The following UNC13C variants were observed in gnomAD, a reference collection of about 807,000 sequenced individuals.
The protein encoded by UNC13C is unc-13 homolog C.
A neutral mutation model predicts 245.4 loss-of-function variants in UNC13C; 174 were observed. The ratio of observed to expected loss-of-function variants is 0.71; its 90% CI spans 0.63 to 0.80. The LOEUF (loss-of-function observed/expected upper bound fraction) is 0.80, where lower values mean the gene tolerates loss of function less well. Among genes scored for constraint, UNC13C ranks in the 30% least tolerant of loss-of-function variants. The pLI is 0.00. For missense variants in UNC13C, 2,829 were observed against 2,602.9 expected (o/e 1.09, Z -1.89); for synonymous variants, 992 against 895.1 (o/e 1.11, Z -1.93).
Position 54,014,192 on chromosome 15 carries a change from T to C in UNC13C, c.1289T>C (p.Met430Thr). ...GIPSSQTYES[M>T]AIKLSTPEPK... ...CCATCCTCCCAGACATATGAGAGCATGGCTATAAAGTTGTCTACTCCAGAG... is the reference window on the plus strand; with the variant it reads ...CCATCCTCCCAGACATATGAGAGCACGGCTATAAAGTTGTCTACTCCAGAG... The change falls in exon 2 of 33, where the codon ATG becomes ACG. Residue 430 changes from methionine (M) to threonine (T), a missense_variant. Transcript: ENST00000260323. The C allele has an allele frequency of 8.7e-6, 14 of 1,613,910 alleles. No individual in the cohort carries two copies. Among genetic ancestry groups the C allele is most frequent in the Non-Finnish European group, 1.2e-5 (14 of 1,179,844 alleles).
chr15:54,347,250 G>T (rs1168036982), intron 17 of UNC13C, among the ~76,000 whole-genome samples: 1 of 152,074 alleles, frequency 6.6e-6, no homozygotes, highest in South Asian at 2.1e-4. Context: ...CTCAGCGAAA[G>T]AACTTTTCTG....
chr15:54,006,479 G>C (rs1360417926), intron 1 of UNC13C, among the ~76,000 whole-genome samples: 1 of 151,772 alleles, frequency 6.6e-6, no homozygotes, highest in African/African-American at 2.4e-5. Flanking sequence ...TATTGCTTTT[G>C]CCTTAAAGTA....
intron 4 of UNC13C, among the ~76,000 whole-genome samples, chr15:54,190,607 A>G (rs902729583): frequency 3.9e-5 from 6 of 152,098 alleles, no homozygotes; most frequent in South Asian, 4.1e-4. Context: ...TAGAAGATAT[A>G]TTGTATTCCA....
At chr15:53,935,045 G>A in the UNC13C span, among the ~76,000 whole-genome samples, 55 of 152,236 alleles carry the variant, frequency 3.6e-4, no homozygotes, top group South Asian at 2.1e-3. Context: ...GCAGAGATGA[G>A]AAGAGTTTTC....
chr15:54,304,939 T>G (rs971309446), intron 13 of UNC13C, among the ~76,000 whole-genome samples: 2 of 152,120 alleles, frequency 1.3e-5, no homozygotes, highest in Non-Finnish European at 2.9e-5. Context: ...TACAAAAATA[T>G]ACGTGTACTC....
chr15:53,920,594 C>T, the UNC13C span, among the ~76,000 whole-genome samples: 4 of 151,890 alleles, frequency 2.6e-5, no homozygotes, highest in African/African-American at 9.7e-5. Context: ...TTTATAATTG[C>T]TAACTTGATT....
intron 17 of UNC13C, among the ~76,000 whole-genome samples, chr15:54,352,185 A>C (rs1460567848): frequency 1.3e-5 from 2 of 151,036 alleles, no homozygotes; most frequent in Non-Finnish European, 3.0e-5. Context: ...TTTAATTGCT[A>C]TTTTCAGCCT....
At chr15:53,858,749 C>T in the UNC13C span, among the ~76,000 whole-genome samples, 211 of 152,192 alleles carry the variant, frequency 1.4e-3, 1 homozygote, top group Admixed American at 3.5e-3. Context: ...GAAACAAAAA[C>T]ATGTTTATCT....
intron 22 of UNC13C, among the ~76,000 whole-genome samples, chr15:54,506,450 G>A (rs1049709724): frequency 1.3e-5 from 2 of 151,924 alleles, no homozygotes. Context: ...TTGGTCTGCT[G>A]CTTGATAAGA....
chr15:54,450,889 G>C (rs1011999299), intron 19 of UNC13C, among the ~76,000 whole-genome samples: 19 of 152,166 alleles, frequency 1.2e-4, no homozygotes, highest in Non-Finnish European at 2.4e-4. Context: ...GACTGGAGCT[G>C]TTCCTATTTG....
the UNC13C span, among the ~76,000 whole-genome samples, chr15:53,932,522 A>G: frequency 6.6e-6 from 1 of 152,168 alleles, no homozygotes; most frequent in South Asian, 2.1e-4. Flanking sequence ...AAAATGAACA[A>G]GGGAATGCTT....
At chr15:54,255,539 A>T (rs937147649) in intron 8 of UNC13C, among the ~76,000 whole-genome samples, 27 of 151,998 alleles carry the variant, frequency 1.8e-4, no homozygotes, top group African/African-American at 6.0e-4. Context: ...TTTTCTACCA[A>T]TGTGTTCGTC....
At chr15:54,039,449 G>A (rs1393831707) in intron 2 of UNC13C, among the ~76,000 whole-genome samples, 1 of 152,148 alleles carries the variant, frequency 6.6e-6, no homozygotes, top group Non-Finnish European at 1.5e-5. Context: ...TGGCTCCACA[G>A]ATGACACTAA....
chr15:54,154,808 G>A (rs1439596655), intron 4 of UNC13C, among the ~76,000 whole-genome samples: 1 of 152,070 alleles, frequency 6.6e-6, no homozygotes, highest in Non-Finnish European at 1.5e-5. Flanking sequence ...GTTATAAAAG[G>A]GACTATATTG....
intron 30 of UNC13C, among the ~76,000 whole-genome samples, chr15:54,602,409 C>G (rs1899489281): frequency 6.6e-6 from 1 of 152,108 alleles, no homozygotes; most frequent in Non-Finnish European, 1.5e-5. Flanking sequence ...TCCTTACTTT[C>G]ATGGAAGTGA....
intron 2 of UNC13C, among the ~76,000 whole-genome samples, chr15:54,055,661 T>G (rs1216181496): frequency 6.6e-6 from 1 of 152,184 alleles, no homozygotes; most frequent in Non-Finnish European, 1.5e-5. Flanking sequence ...TAGAACTAAT[T>G]ATCAAGATTT....
At chr15:54,127,951 A>T (rs1271671801) in intron 2 of UNC13C, among the ~76,000 whole-genome samples, 1 of 151,876 alleles carries the variant, frequency 6.6e-6, no homozygotes, top group Non-Finnish European at 1.5e-5. Flanking sequence ...AATGAAAGGC[A>T]TCTAAATAAA....
intron 19 of UNC13C, among the ~76,000 whole-genome samples, chr15:54,489,968 A>C (rs986294383): frequency 1.3e-5 from 2 of 152,160 alleles, no homozygotes; most frequent in African/African-American, 4.8e-5. Flanking sequence ...GAAAAAACCC[A>C]ATTACTCTTT....
At chr15:54,172,885 T>A (rs962153462) in intron 4 of UNC13C, among the ~76,000 whole-genome samples, 1 of 150,806 alleles carries the variant, frequency 6.6e-6, no homozygotes, top group Non-Finnish European at 1.5e-5. Flanking sequence ...TTGAGACTTG[T>A]GATCCATTAT....
Sources: gnomAD v4.1 joint callset for allele counts (sites outside exome capture counted in the v4.1 genomes callset) on GRCh38, gnomAD v4.1.1 for gene constraint, MANE v1.5 for transcripts, NCBI Gene and HGNC (gene_info 2026-07-23, HGNC 2026-07-21) for gene names.